Variants in PGR observed in about 807,000 individuals in gnomAD.
PGR encodes nuclear receptor subfamily 3 group C member 3.
In PGR, 25 loss-of-function variants were observed where a neutral mutation model predicts 76.1. The observed-to-expected ratio is 0.33, with a 90% confidence interval of 0.24 to 0.46. The LOEUF is 0.46. Ranked by LOEUF, PGR falls within the 20% of genes least tolerant of loss-of-function variation. The probability of loss-of-function intolerance (pLI) is 1.00; values close to 1 mark genes in which losing one functional copy is unlikely to be tolerated. For synonymous variants in PGR, 579 were observed against 535.0 expected (o/e 1.08, Z -1.14); for missense variants, 1,172 against 1,225.3 (o/e 0.96, Z 0.65).
chr11:101,088,027 C>CA (rs76881450), intron 3 of PGR, among the ~76,000 whole-genome samples: 2,400 of 148,582 alleles, frequency 0.016, 33 homozygotes, highest in Admixed American at 0.033. Context: ...CTTATCGTTA[C>CA]AAAAAAAAAA....
chr11:101,093,616 C>T (rs761365818), intron 2 of PGR, among the ~76,000 whole-genome samples: 22 of 152,106 alleles, frequency 1.4e-4, no homozygotes, highest in Admixed American at 3.9e-4. Flanking sequence ...TGCACCACCA[C>T]GCCTGGGTAA....
intron 6 of PGR, among the ~76,000 whole-genome samples, chr11:101,049,242 A>G (rs1565331676): frequency 6.6e-6 from 1 of 152,098 alleles, no homozygotes; most frequent in Non-Finnish European, 1.5e-5. Context: ...AGTAACACAC[A>G]CGGAGTTGTC....
chr11:101,073,613 A>G (rs1290626153), intron 3 of PGR, among the ~76,000 whole-genome samples: 1 of 152,176 alleles, frequency 6.6e-6, no homozygotes, highest in Non-Finnish European at 1.5e-5. Context: ...GGGAGAGAAG[A>G]ATCAAGTAGA....
chr11:101,108,205 G>C (rs1374696594), intron 2 of PGR, among the ~76,000 whole-genome samples: 1 of 146,064 alleles, frequency 6.8e-6, no homozygotes, highest in African/African-American at 2.6e-5. Context: ...AGTGAGCAGA[G>C]ATTGTGCCAT....
rs958639165 is a variant in PGR, at chr11:101,038,865, A to G, written c.*251T>C. The G allele has an allele frequency of 4.9e-6, 2 of 405,136 alleles. No homozygotes were observed. Among genetic ancestry groups the G allele is most frequent in the Non-Finnish European group, 8.9e-6 (2 of 224,130 alleles). The allele number at this position is 405,136 out of a possible 1,614,324, so 25.1% of individuals were successfully genotyped here. On this transcript the variant is annotated 3_prime_UTR_variant, in exon 8 of 8. Transcript: ENST00000325455. ...TATGGATAAGATAGTTTACTTTAAC[A>G]ATTTTAGTACTTTTTCAATCTTGTA...
At chr11:101,105,592 G>A (rs939181832) in intron 2 of PGR, among the ~76,000 whole-genome samples, 2 of 150,964 alleles carry the variant, frequency 1.3e-5, no homozygotes, top group Non-Finnish European at 2.9e-5. Context: ...ACAAACAAAT[G>A]GAAAAACATT....
chr11:101,125,892 A>G, intron 2 of PGR, 115 bp downstream of exon 2: 2 of 887,610 alleles, frequency 2.3e-6, no homozygotes, highest in South Asian at 3.1e-5. Context: ...TTTAAATTAT[A>G]TGGAAATATC....
intron 6 of PGR, 137 bp from the exon 7 acceptor site, chr11:101,042,239 G>T: frequency 3.9e-6 from 3 of 769,752 alleles, no homozygotes; most frequent in East Asian, 5.4e-5. Context: ...ATAGGAAAGA[G>T]ATAGTGTTAT....
Position 101,062,772 on chromosome 11 carries a change from G to A in PGR, c.1907-20C>T, listed in dbSNP as rs1471876947. On this transcript the variant is annotated intron_variant, in intron 3 of 7. Transcript: ENST00000325455. Reference sequence around the variant, plus strand: ...TTCGACCTACAGAGAAGAAAAAAAAGAAATTCATGTAAATATATATAAACT... The same window carrying A: ...TTCGACCTACAGAGAAGAAAAAAAAAAAATTCATGTAAATATATATAAACT... The A allele has an allele frequency of 1.3e-6, 2 of 1,552,198 alleles. No homozygotes were observed. Among genetic ancestry groups the A allele is most frequent in the South Asian group, 1.1e-5 (1 of 88,422 alleles).
intron 2 of PGR, among the ~76,000 whole-genome samples, chr11:101,110,979 A>T (rs1862325552): frequency 6.6e-6 from 1 of 152,236 alleles, no homozygotes; most frequent in Non-Finnish European, 1.5e-5. Flanking sequence ...CAGGGTATGT[A>T]CATTGTTTAT....
At chr11:101,103,294 T>C (rs1862052261) in intron 2 of PGR, among the ~76,000 whole-genome samples, 1 of 151,946 alleles carries the variant, frequency 6.6e-6, no homozygotes, top group Non-Finnish European at 1.5e-5. Flanking sequence ...CTAAATAGTC[T>C]TTGGACTGGA....
Position 101,129,043 on chromosome 11 carries a change from G to A in PGR, c.28C>T (p.Arg10Trp). The A allele has an allele frequency of 1.3e-6, 2 of 1,561,356 alleles. No homozygotes were observed. The highest frequency in any genetic ancestry group is 1.7e-6 in the Non-Finnish European group (2 of 1,153,460). MTELKAKGP[R>W]APHVAGGPPS... The stretch of plus-strand genomic sequence containing the variant: ...GGGCCGCCCGCCACGTGGGGAGCCC[G>A]GGGACCCTTTGCCTTCAGCTCAGTC... The change falls in exon 1 of 8, where the codon CGG becomes TGG. Residue 10 changes from arginine (R) to tryptophan (W), a missense_variant. This residue lies in a region of PGR where 893 missense variants were observed against 785.9 expected (regional missense o/e 1.14). Coordinates refer to ENST00000325455, the MANE Select transcript of PGR (RefSeq NM_000926.4).
intron 3 of PGR, among the ~76,000 whole-genome samples, chr11:101,085,226 C>A (rs1197029865): frequency 2.0e-5 from 3 of 152,152 alleles, no homozygotes; most frequent in African/African-American, 7.2e-5. Flanking sequence ...AAGTCAAAAT[C>A]ATGCCAGTCA....
chr11:101,102,213 C>T (rs1361046162), intron 2 of PGR, among the ~76,000 whole-genome samples: 2 of 152,220 alleles, frequency 1.3e-5, no homozygotes, highest in East Asian at 3.9e-4. Context: ...CTATACAAAA[C>T]ATTTTGGGAA....
chr11:101,058,387 T>A (rs1282736054), intron 4 of PGR, among the ~76,000 whole-genome samples: 1 of 152,142 alleles, frequency 6.6e-6, no homozygotes, highest in Non-Finnish European at 1.5e-5. Context: ...AGTCTTCTGA[T>A]TCGGGAAGGA....
chr11:101,115,245 C>A (rs1862465424), intron 2 of PGR, among the ~76,000 whole-genome samples: 1 of 151,988 alleles, frequency 6.6e-6, no homozygotes, highest in Non-Finnish European at 1.5e-5. Context: ...TTCTCAGCAG[C>A]CCATCTAGCA....
intron 4 of PGR, among the ~76,000 whole-genome samples, chr11:101,055,467 T>C (rs986163207): frequency 6.8e-6 from 1 of 148,058 alleles, no homozygotes; most frequent in African/African-American, 2.5e-5. Context: ...TTCGTTTTCA[T>C]TAATCAGATG....
At chr11:101,046,292 ATTTTTTTTTTTTTTTTTTTTTT>A (rs540943297) in intron 6 of PGR, among the ~76,000 whole-genome samples, 13,654 of 66,718 alleles carry the variant, frequency 0.2, 1,233 homozygotes, top group Admixed American at 0.29. Context: ...CGCCTGGCTA[ATTTTTTTTTTTTTTTTTTTTTT>A]TTTTTTTTTT....
chr11:101,128,039 A>T lies in PGR; in HGVS notation c.1032T>A (p.Ser344Arg). The stretch of plus-strand genomic sequence containing the variant: ...CCGGGGTGGACGAGGCACAGGGTGA[A>T]CTCCGCGGCGGGGCAAAGGCGCTGG... ...GAASAFAPPR[S>R]SPCASSTPVA... Residue 344 changes from serine to arginine, a missense_variant, in exon 1 of 8, where the codon AGT becomes AGA. Around this residue, in one of 4 missense-constraint regions of PGR, gnomAD observed 893 missense variants for 785.9 expected, o/e 1.14. Coordinates refer to ENST00000325455, the MANE Select transcript of PGR (RefSeq NM_000926.4). 1 of 1,606,196 alleles carries T rather than the reference A, an allele frequency of 6.2e-7. No individual in the cohort carries two copies. Among genetic ancestry groups the T allele is most frequent in the Non-Finnish European group, 8.5e-7 (1 of 1,179,718 alleles).
Sources: allele counts gnomAD v4.1 joint callset (sites outside exome capture counted in the v4.1 genomes callset), GRCh38; gene constraint gnomAD v4.1.1; regional missense constraint gnomAD v4.1.1; transcripts MANE v1.5; gene names NCBI Gene and HGNC (gene_info 2026-07-23, HGNC 2026-07-21).